Variants in PDE11A observed in about 807,000 individuals in gnomAD.
The protein encoded by PDE11A is phosphodiesterase 11A, also known as dual 3',5'-cyclic-AMP and -GMP phosphodiesterase 11A.
PDE11A carries 100 observed loss-of-function variants against 100.5 expected under a neutral mutation model. The ratio of observed to expected loss-of-function variants is 1.00; its 90% CI spans 0.85 to 1.18. The LOEUF (loss-of-function observed/expected upper bound fraction) is 1.18. Among genes scored for constraint, PDE11A ranks in the 50% most tolerant of loss-of-function variants. The pLI is 0.00. For synonymous variants in PDE11A, 381 were observed against 420.8 expected, an observed-to-expected ratio of 0.91 and a Z score of 1.16; for missense variants, 1,141 against 1,152.6, an observed-to-expected ratio of 0.99 and a Z score of 0.15.
At chr2:178,018,271 G>A in intron 1 of PDE11A, 1 of 408,420 alleles carries the variant, frequency 2.4e-6, no homozygotes, top group East Asian at 6.2e-5. Context: ...CTACTCCCTG[G>A]CTACAGCCCT....
intron 5 of PDE11A, among the ~76,000 whole-genome samples, chr2:177,874,836 C>T (rs1413554750): frequency 1.3e-5 from 2 of 152,178 alleles, no homozygotes; most frequent in Non-Finnish European, 2.9e-5. Flanking sequence ...TTAATGAAAA[C>T]AGGTTTGCTC....
intron 9 of PDE11A, among the ~76,000 whole-genome samples, chr2:177,797,652 T>C (rs1306656725): frequency 6.6e-6 from 1 of 152,160 alleles, no homozygotes; most frequent in Non-Finnish European, 1.5e-5. Flanking sequence ...GGGGACTATG[T>C]TAAGTTACTC....
chr2:177,796,347 A>T, intron 9 of PDE11A, among the ~76,000 whole-genome samples: 1 of 152,118 alleles, frequency 6.6e-6, no homozygotes, highest in East Asian at 1.9e-4. Flanking sequence ...ACTAAATTCC[A>T]GGTATCTCAA....
intron 2 of PDE11A, among the ~76,000 whole-genome samples, chr2:177,920,795 GC>G (rs1252144257): frequency 1.3e-5 from 2 of 152,058 alleles, no homozygotes; most frequent in Non-Finnish European, 1.5e-5. Context: ...AGGCGCGGTC[GC>G]TCATGCCTGT....
chr2:177,955,933 G>A (rs2085556206), intron 2 of PDE11A, among the ~76,000 whole-genome samples: 2 of 152,116 alleles, frequency 1.3e-5, no homozygotes, highest in Non-Finnish European at 2.9e-5. Flanking sequence ...AGACTTAAAT[G>A]TTAGACCTAA....
intron 12 of PDE11A, among the ~76,000 whole-genome samples, chr2:177,727,176 A>C (rs1358273462): frequency 6.6e-6 from 1 of 151,880 alleles, no homozygotes; most frequent in Non-Finnish European, 1.5e-5. Context: ...AAACCTGGAG[A>C]GTGCGCACTC....
chr2:177,759,173 GCACACA>G (rs10541503), intron 10 of PDE11A, among the ~76,000 whole-genome samples: 48 of 147,422 alleles, frequency 3.3e-4, no homozygotes, highest in African/African-American at 7.1e-4. Flanking sequence ...TGGAGCACGT[GCACACA>G]CACACACACA....
At chr2:178,034,171 A>G (rs1388778057) in intron 1 of PDE11A, among the ~76,000 whole-genome samples, 1 of 152,196 alleles carries the variant, frequency 6.6e-6, no homozygotes, top group Non-Finnish European at 1.5e-5. Context: ...GCAAAGACAC[A>G]TAGGGTCAAA....
In PDE11A at chr2:177,876,283, G is replaced by C; in HGVS notation, c.1303-360C>G. 1.6e-5 allele frequency among the ~76,000 whole-genome samples: 2 copies of C among 123,338 alleles called. 1 individual carries two copies. The highest frequency in any genetic ancestry group is 3.5e-5 in the Non-Finnish European group (2 of 57,592). 80.9% of individuals were successfully genotyped at this position (123,338 alleles called of 152,430 possible). A position where few individuals can be genotyped will look rare whatever the true frequency, so the allele number is the denominator to read the frequency against. On this transcript the variant is annotated intron_variant, in intron 4 of 19. Coordinates refer to ENST00000286063, the MANE Select transcript of PDE11A (RefSeq NM_016953.4). ...TCAACAGCAATAAGAGACCCAGGTA[G>C]GGACAGAACACCCCTCAAAGAAGAT...
chr2:178,039,820 A>G (rs1005246870), intron 1 of PDE11A, among the ~76,000 whole-genome samples: 4 of 152,134 alleles, frequency 2.6e-5, no homozygotes, highest in Non-Finnish European at 4.4e-5. Context: ...TCTCAAAAAC[A>G]TAATGTTGAG....
chr2:177,741,677 T>A (rs1010744229), intron 10 of PDE11A, among the ~76,000 whole-genome samples: 5 of 152,174 alleles, frequency 3.3e-5, no homozygotes, highest in Non-Finnish European at 7.3e-5. Flanking sequence ...CCATATTCAC[T>A]CTTGGAAAGA....
rs2087133381 is a variant in PDE11A, at chr2:178,071,689, T to C, written c.749A>G (p.Lys250Arg). The change falls in exon 1 of 20, where the codon AAG becomes AGG. Residue 250 changes from lysine (K) to arginine (R), a missense_variant. Transcript: ENST00000286063. ...AAAGAATTTGGAGACCAAGGTCTTC[T>C]TGCCAGCAGCTGCCCCTTCCACCAG... The part of the protein sequence containing the change: ...LFLVEGAAAG[K>R]KTLVSKFFDV... 1 of 1,613,758 alleles carries C rather than the reference T, an allele frequency of 6.2e-7. No individual in the cohort carries two copies. Among genetic ancestry groups the C allele is most frequent in the Non-Finnish European group, 8.5e-7 (1 of 1,179,636 alleles).
intron 2 of PDE11A, among the ~76,000 whole-genome samples, chr2:177,943,963 C>T (rs370395315): frequency 6.6e-6 from 1 of 152,182 alleles, no homozygotes; most frequent in Non-Finnish European, 1.5e-5. Context: ...TTTCCCAGCA[C>T]AACTTATTGA....
At chr2:177,947,784 AT>A (rs1419208212) in intron 2 of PDE11A, among the ~76,000 whole-genome samples, 4 of 154 alleles carry the variant, frequency 0.026, no homozygotes, top group African/African-American at 0.033. Flanking sequence ...ATTTAAAAAA[AT>A]AAAAAAATAA....
In PDE11A at chr2:177,739,881, C is replaced by CG. The variant is rs141649195; in HGVS notation, c.1789-11710dup. Among the ~76,000 whole-genome samples the CG allele has an allele frequency of 7.9e-5, 12 of 152,308 alleles. No individual in the cohort carries two copies. The East Asian group carries it at 2.3e-3, about 29-fold the overall frequency. The stretch of plus-strand genomic sequence containing the variant: ...CTTAGGGCTGAATAAAGCCATCACT[C>CG]GCAGTGAGGAAGTAATCTATCAAAT... On this transcript the variant is annotated intron_variant, in intron 10 of 19. Coordinates refer to ENST00000286063, the MANE Select transcript of PDE11A (RefSeq NM_016953.4).
rs533666815 is a variant in PDE11A at position 178,013,234 on chromosome 2, T to G, written c.1071+1068A>C. On this transcript the variant is annotated intron_variant, in intron 2 of 19. Coordinates refer to ENST00000286063, the MANE Select transcript of PDE11A (RefSeq NM_016953.4). Reference sequence around the variant, plus strand: ...TGTGTAGCTCCTGGATGACATAACATGATTGGGATTTATCTTTGTGCCTCT... The same window carrying G: ...TGTGTAGCTCCTGGATGACATAACAGGATTGGGATTTATCTTTGTGCCTCT... Among the ~76,000 whole-genome samples, 4 of 152,294 alleles carry G rather than the reference T, an allele frequency of 2.6e-5. No individual in the cohort carries two copies. In the East Asian group the frequency reaches 7.7e-4, roughly 29 times the overall value.
intron 18 of PDE11A, among the ~76,000 whole-genome samples, chr2:177,667,054 G>A (rs4893978): frequency 0.81 from 123,261 of 151,786 alleles, 50,802 homozygotes; most frequent in East Asian, 0.98. Context: ...AGTAGCTGGG[G>A]TTACAGGTGC....
Position 177,947,821 on chromosome 2 carries a change from T to G in PDE11A, c.1072-42634A>C, listed in dbSNP as rs955823512. ...AAAAAAAATAAAATAAAATCTTAAT[T>G]TTAATTTTACATTAAAAAGAAAAGC... On this transcript the variant is annotated intron_variant, in intron 2 of 19. Transcript: ENST00000286063. 6.6e-5 allele frequency among the ~76,000 whole-genome samples: 10 copies of G among 151,558 alleles called. No homozygotes were observed. The East Asian group carries it at 1.9e-3, about 29-fold the overall frequency.
intron 5 of PDE11A, among the ~76,000 whole-genome samples, chr2:177,872,392 G>C (rs558170618): frequency 1.3e-5 from 2 of 152,294 alleles, no homozygotes; most frequent in Non-Finnish European, 2.9e-5. Flanking sequence ...TTCATGGAGG[G>C]AGATGGATTG....
Sources: gnomAD v4.1 joint callset for allele counts (sites outside exome capture counted in the v4.1 genomes callset) on GRCh38, gnomAD v4.1.1 for gene constraint, MANE v1.5 for transcripts, NCBI Gene and HGNC (gene_info 2026-07-23, HGNC 2026-07-21) for gene names.